DRC11: variants seen among roughly 807,000 people sequenced by gnomAD.
DRC11 encodes the protein IQ and AAA domain-containing protein 1.
chr2:236,423,386 C>T, the DRC11 span, among the ~76,000 whole-genome samples: 11 of 152,106 alleles, frequency 7.2e-5, no homozygotes, highest in African/African-American at 2.6e-4. Context: ...AACAAGTGGG[C>T]AAAGGATATG....
the DRC11 span, among the ~76,000 whole-genome samples, chr2:236,401,601 G>A: frequency 1.3e-4 from 20 of 152,294 alleles, no homozygotes; most frequent in South Asian, 1.2e-3. The surrounding 1 kb of genome is among the most constrained non-coding windows in gnomAD (Gnocchi z 4.6). Context: ...AGAAAGGAGC[G>A]AACACAGACA....
chr2:236,493,960 A>G, the DRC11 span: 2 of 1,332,946 alleles, frequency 1.5e-6, no homozygotes, highest in Non-Finnish European at 2.0e-6. Context: ...TAAAATATAC[A>G]GTAAGGACGT....
the DRC11 span, among the ~76,000 whole-genome samples, chr2:236,466,983 C>G: frequency 6.6e-6 from 1 of 152,302 alleles, no homozygotes; most frequent in East Asian, 1.9e-4. Context: ...ACTTGAATGG[C>G]ATTTTGGTAG....
At chr2:236,409,060 G>A in the DRC11 span, 97 of 571,742 alleles carry the variant, frequency 1.7e-4, no homozygotes, top group East Asian at 3.0e-3. Flanking sequence ...TGGGAGTGGA[G>A]GACTTCTTGT....
chr2:236,454,434 T>C, the DRC11 span, among the ~76,000 whole-genome samples: 4 of 152,320 alleles, frequency 2.6e-5, no homozygotes, highest in South Asian at 4.1e-4. The surrounding 1 kb of genome is among the most constrained non-coding windows in gnomAD (Gnocchi z 5.3). Context: ...AAGCAAACAG[T>C]AGAAAAAGTT....
chr2:236,363,871 C>T, the DRC11 span: 2 of 1,613,966 alleles, frequency 1.2e-6, no homozygotes, highest in South Asian at 2.2e-5. The surrounding 1 kb of genome is among the most constrained non-coding windows in gnomAD (Gnocchi z 5.6). Flanking sequence ...GAGGTTGGCT[C>T]CCGTTTCGGT....
chr2:236,343,679 T>C, the DRC11 span: 3 of 1,292,070 alleles, frequency 2.3e-6, no homozygotes, highest in South Asian at 3.7e-5. The surrounding 1 kb of genome is among the most constrained non-coding windows in gnomAD (Gnocchi z 6.6). Flanking sequence ...AACCCGGTCA[T>C]TCCTGCCATC....
the DRC11 span, among the ~76,000 whole-genome samples, chr2:236,364,530 G>A: frequency 6.6e-6 from 1 of 152,044 alleles, no homozygotes; most frequent in Non-Finnish European, 1.5e-5. Context: ...TGTCAGTAGC[G>A]GCAGAGTTAA....
the DRC11 span, among the ~76,000 whole-genome samples, chr2:236,480,561 GA>G: frequency 6.6e-6 from 1 of 152,022 alleles, no homozygotes; most frequent in South Asian, 2.1e-4. Flanking sequence ...CCAGTTCCAG[GA>G]TTTGATTTTT....
the DRC11 span, among the ~76,000 whole-genome samples, chr2:236,421,673 C>G: frequency 6.6e-6 from 1 of 152,130 alleles, no homozygotes; most frequent in Non-Finnish European, 1.5e-5. Context: ...CTATTCTAAT[C>G]AATAGAAAAA....
At chr2:236,466,847 C>T in the DRC11 span, among the ~76,000 whole-genome samples, 6 of 152,060 alleles carry the variant, frequency 3.9e-5, no homozygotes, top group African/African-American at 7.2e-5. Context: ...CCCTTTTCTT[C>T]TTTTTTGTAT....
chr2:236,349,111 A>G, the DRC11 span, among the ~76,000 whole-genome samples: 4 of 152,050 alleles, frequency 2.6e-5, no homozygotes, highest in African/African-American at 9.7e-5. This position sits in a 1 kb window ranked among gnomAD's most constrained non-coding sequence, Gnocchi z 5.5. Context: ...CCCACAGTCT[A>G]TTCATGGCAC....
chr2:236,431,401 G>T, the DRC11 span, among the ~76,000 whole-genome samples: 1 of 152,168 alleles, frequency 6.6e-6, no homozygotes, highest in East Asian at 1.9e-4. The surrounding 1 kb of genome is among the most constrained non-coding windows in gnomAD (Gnocchi z 4.2). Flanking sequence ...GCCGAGCAAA[G>T]GAGGAAAAGC....
chr2:236,386,624 C>T, the DRC11 span, among the ~76,000 whole-genome samples: 7 of 152,134 alleles, frequency 4.6e-5, no homozygotes, highest in Admixed American at 2.6e-4. Context: ...CTCCTGGATT[C>T]GTTAATTTTT....
chr2:236,339,235 G>T, the DRC11 span, among the ~76,000 whole-genome samples: 1 of 152,194 alleles, frequency 6.6e-6, no homozygotes, highest in African/African-American at 2.4e-5. Flanking sequence ...TATTTAGATT[G>T]TTGGCCCACT....
At chr2:236,429,852 T>C in the DRC11 span, among the ~76,000 whole-genome samples, 67 of 152,224 alleles carry the variant, frequency 4.4e-4, no homozygotes, top group African/African-American at 1.4e-3. This position sits in a 1 kb window ranked among gnomAD's most constrained non-coding sequence, Gnocchi z 5.9. Flanking sequence ...TCCTCAGTGG[T>C]GAAAGCTGAA....
the DRC11 span, among the ~76,000 whole-genome samples, chr2:236,469,939 CA>C: frequency 2.6e-5 from 4 of 152,114 alleles, no homozygotes; most frequent in African/African-American, 9.7e-5. The surrounding 1 kb of genome is among the most constrained non-coding windows in gnomAD (Gnocchi z 5.8). Flanking sequence ...GTGAATAAAC[CA>C]TTATATTTAC....
At chr2:236,320,229 C>A in the DRC11 span, among the ~76,000 whole-genome samples, 1 of 152,206 alleles carries the variant, frequency 6.6e-6, no homozygotes, top group Non-Finnish European at 1.5e-5. Flanking sequence ...GTTGCTGGGG[C>A]GGCTGCCAGC....
At chr2:236,482,304 A>G in the DRC11 span, among the ~76,000 whole-genome samples, 11 of 152,146 alleles carry the variant, frequency 7.2e-5, no homozygotes, top group Non-Finnish European at 1.3e-4. The surrounding 1 kb of genome is among the most constrained non-coding windows in gnomAD (Gnocchi z 4.5). Context: ...TACTGTAAGA[A>G]TACTAAAATA....
Sources: allele counts gnomAD v4.1 joint callset (sites outside exome capture counted in the v4.1 genomes callset), GRCh38; gene constraint gnomAD v4.1.1; non-coding constraint Gnocchi (gnomAD v3.1); transcripts MANE v1.5; gene names NCBI Gene and HGNC (gene_info 2026-07-23, HGNC 2026-07-21).